LUC7L: variants seen among roughly 807,000 people sequenced by gnomAD.
LUC7L encodes the protein putative RNA-binding protein Luc7-like 1.
Under a neutral mutation model 51.1 loss-of-function variants are expected in LUC7L, and 29 were observed. The observed-to-expected ratio is 0.57, with a 90% CI of 0.42 to 0.77. LUC7L has a LOEUF of 0.77. Ranked by LOEUF, LUC7L falls within the 30% of genes least tolerant of loss-of-function variation. The pLI is 0.00. For missense variants in LUC7L, 403 were observed against 511.9 expected (o/e 0.79, Z 2.05); for synonymous variants, 181 against 180.7 (o/e 1.00, Z -0.01).
chr16:229,245 CCA>C, intron 1 of LUC7L, 32 bp downstream of exon 1: 1 of 1,528,038 alleles, frequency 6.5e-7, no homozygotes, highest in Non-Finnish European at 8.7e-7. Context: ...CACTCCCACC[CCA>C]GACCCTCGCC....
At chr16:228,622 T>C (rs538682589) in intron 1 of LUC7L, 16 of 1,186,462 alleles carry the variant, frequency 1.3e-5, no homozygotes, top group African/African-American at 1.3e-4. Flanking sequence ...AGCAGGTATA[T>C]AGTTTTGCAA....
intron 4 of LUC7L, among the ~76,000 whole-genome samples, chr16:207,702 G>A (rs1466977385): frequency 1.3e-5 from 2 of 152,130 alleles, no homozygotes; most frequent in African/African-American, 2.4e-5. Flanking sequence ...AATCAGTGCT[G>A]AGGGTCAGTT....
At chr16:194,103 ACTT>A (rs990772072) in intron 6 of LUC7L, among the ~76,000 whole-genome samples, 19 of 141,146 alleles carry the variant, frequency 1.3e-4, no homozygotes, top group African/African-American at 4.8e-4. Context: ...GCGCTTGGCC[ACTT>A]TTTTTTTTTT....
intron 5 of LUC7L, among the ~76,000 whole-genome samples, chr16:205,121 G>A (rs936785532): frequency 1.1e-4 from 17 of 152,150 alleles, no homozygotes; most frequent in East Asian, 3.9e-4. Flanking sequence ...TCTGCACTAC[G>A]TTTGTTAACA....
Position 229,398 on chromosome 16 carries a change from A to AGCGGCGTCGACAAACGATGGTC in LUC7L, c.-81_-60dup, listed in dbSNP as rs1174285778. On this transcript the variant is annotated 5_prime_UTR_variant, in exon 1 of 10. Coordinates refer to ENST00000293872, the MANE Select transcript of LUC7L (RefSeq NM_201412.3). ...CGACTTCTCTCAGGCAGGCGGTGGC[A>AGCGGCGTCGACAAACGATGGTC]GCGGCGTCGACAAACGATGGTCGCG... The AGCGGCGTCGACAAACGATGGTC allele has an allele frequency of 7.1e-7, 1 of 1,402,464 alleles. No individual in the cohort carries two copies. Among genetic ancestry groups the AGCGGCGTCGACAAACGATGGTC allele is most frequent in the Non-Finnish European group, 9.4e-7 (1 of 1,064,168 alleles). The allele number at this position is 1,402,464 out of a possible 1,614,324, so 86.9% of individuals were successfully genotyped here.
chr16:221,096 T>G (rs963624320), intron 2 of LUC7L, among the ~76,000 whole-genome samples: 1 of 151,912 alleles, frequency 6.6e-6, no homozygotes, highest in African/African-American at 2.4e-5. Flanking sequence ...CTCAGCTTAC[T>G]GTAACCTCTG....
chr16:208,228 T>C (rs778889930), intron 3 of LUC7L, 40 bp from the exon 4 acceptor site: 3 of 1,427,122 alleles, frequency 2.1e-6, no homozygotes, highest in Non-Finnish European at 3.0e-6. Flanking sequence ...CAATGATGTG[T>C]AAAGCGTAAA....
At chr16:212,533 G>T (rs915802578) in intron 3 of LUC7L, among the ~76,000 whole-genome samples, 1 of 152,112 alleles carries the variant, frequency 6.6e-6, no homozygotes, top group Non-Finnish European at 1.5e-5. Context: ...TCTAACTCAA[G>T]ACATTTGACC....
chr16:217,731 TA>T (rs2049846407), intron 3 of LUC7L, among the ~76,000 whole-genome samples: 1 of 133,176 alleles, frequency 7.5e-6, no homozygotes, highest in Non-Finnish European at 1.6e-5. Flanking sequence ...ATTTTTTTTT[TA>T]AATAAATAAA....
chr16:219,802 T>A (rs1487042672), intron 3 of LUC7L, among the ~76,000 whole-genome samples: 1 of 150,520 alleles, frequency 6.6e-6, no homozygotes, highest in Non-Finnish European at 1.5e-5. Flanking sequence ...CTGGGAGGAG[T>A]AGGTTGCAGT....
chr16:189,618 C>G, intron 9 of LUC7L: 1 of 1,322,764 alleles, frequency 7.6e-7, no homozygotes. Flanking sequence ...CATGACACTA[C>G]GTAAAAACAC....
At chr16:228,269 G>A (rs559517796) in intron 1 of LUC7L, 2 of 1,301,252 alleles carry the variant, frequency 1.5e-6, no homozygotes, top group East Asian at 5.6e-5. Flanking sequence ...CACTTTTAAA[G>A]TTACTTGTGA....
chr16:215,069 T>C (rs1468675136), intron 3 of LUC7L, among the ~76,000 whole-genome samples: 1 of 152,108 alleles, frequency 6.6e-6, no homozygotes, highest in Admixed American at 6.6e-5. Flanking sequence ...CCTATCTCAA[T>C]AGTTGTATTA....
At chr16:228,721 G>A (rs925754799) in intron 1 of LUC7L, 21 of 1,221,644 alleles carry the variant, frequency 1.7e-5, no homozygotes, top group Non-Finnish European at 2.2e-5. Flanking sequence ...TCAAGCGCTG[G>A]CTACACAGAG....
At chr16:198,004 C>T (rs1209527333) in intron 6 of LUC7L, among the ~76,000 whole-genome samples, 1 of 152,074 alleles carries the variant, frequency 6.6e-6, no homozygotes, top group African/African-American at 2.4e-5. Context: ...TGCGGTGGCT[C>T]ACGCCTGTGG....
chr16:199,509 C>T (rs1036232972), intron 5 of LUC7L, among the ~76,000 whole-genome samples: 1 of 152,134 alleles, frequency 6.6e-6, no homozygotes, highest in African/African-American at 2.4e-5. Context: ...CGGTGGCTCA[C>T]GCCTGTAATC....
chr16:198,886 G>A (rs1428262515), intron 6 of LUC7L, among the ~76,000 whole-genome samples, 176 bp downstream of exon 6: 2 of 151,970 alleles, frequency 1.3e-5, no homozygotes, highest in Non-Finnish European at 2.9e-5. Context: ...CACCATGTTG[G>A]TCAGGCTGGT....
chr16:202,420 C>T (rs1188179757), intron 5 of LUC7L, among the ~76,000 whole-genome samples: 1 of 152,124 alleles, frequency 6.6e-6, no homozygotes, highest in African/African-American at 2.4e-5. Context: ...GAGATTTGGA[C>T]GTGCCACACA....
intron 6 of LUC7L, among the ~76,000 whole-genome samples, chr16:197,069 G>A (rs536996643): frequency 8.6e-5 from 13 of 151,286 alleles, no homozygotes; most frequent in Admixed American, 4.6e-4. Context: ...CACCATGCTC[G>A]GCTAATTTTT....
Sources: gnomAD v4.1 joint callset for allele counts (sites outside exome capture counted in the v4.1 genomes callset) on GRCh38, gnomAD v4.1.1 for gene constraint, MANE v1.5 for transcripts, NCBI Gene and HGNC (gene_info 2026-07-23, HGNC 2026-07-21) for gene names.